The following AK5 variants were observed in gnomAD, a reference collection of about 807,000 sequenced individuals.
The protein encoded by AK5 is adenylate kinase 5, also known as adenylate kinase isoenzyme 5.
In AK5, 27 loss-of-function variants were observed where a neutral mutation model predicts 69.5. The ratio of observed to expected loss-of-function variants is 0.39; its 90% CI spans 0.29 to 0.54. The LOEUF is 0.54. AK5 is among the 20% of genes least tolerant of loss of function. The pLI, the probability that AK5 is intolerant of heterozygous loss-of-function variation, is 0.71. For synonymous variants in AK5, 260 were observed against 244.4 expected (o/e 1.06, Z -0.60); for missense variants, 531 against 700.4 (o/e 0.76, Z 2.73).
At chr1:77,399,531 G>C (rs1420234190) in intron 6 of AK5, among the ~76,000 whole-genome samples, 1 of 152,198 alleles carries the variant, frequency 6.6e-6, no homozygotes, top group Admixed American at 6.5e-5. Context: ...CAAAGCCCTG[G>C]TTGGGCTGTG....
intron 8 of AK5, among the ~76,000 whole-genome samples, chr1:77,465,475 T>G (rs1423089559): frequency 6.6e-6 from 1 of 152,216 alleles, no homozygotes; most frequent in African/African-American, 2.4e-5. Context: ...CCCCAAAGCT[T>G]TCCTAGGACT....
At chr1:77,541,244 G>T (rs1338230497) in intron 13 of AK5, among the ~76,000 whole-genome samples, 1 of 152,038 alleles carries the variant, frequency 6.6e-6, no homozygotes, top group Non-Finnish European at 1.5e-5. Context: ...GGGCAACATG[G>T]CAAAACCCAT....
At chr1:77,546,118 G>A (rs1659532419) in intron 13 of AK5, among the ~76,000 whole-genome samples, 1 of 152,140 alleles carries the variant, frequency 6.6e-6, no homozygotes, top group African/African-American at 2.4e-5. Context: ...GAAATGAGTT[G>A]TGCTTGCTGC....
Position 77,521,821 on chromosome 1 carries a change from C to T in AK5, c.1312-6C>T. The T allele has an allele frequency of 6.2e-7, 1 of 1,611,718 alleles. No individual in the cohort carries two copies. Among genetic ancestry groups the T allele is most frequent in the South Asian group, 1.1e-5 (1 of 90,960 alleles). On this transcript the variant is annotated splice_polypyrimidine_tract_variant and splice_region_variant and intron_variant, in intron 11 of 13. Coordinates refer to ENST00000354567, the MANE Select transcript of AK5 (RefSeq NM_174858.3). Reference sequence around the variant, plus strand: ...TCAGGTCCTGACCACTCTCGCTTTGCTCCAGGGCATCGTTTTGGAGCTCCT... The same window carrying T: ...TCAGGTCCTGACCACTCTCGCTTTGTTCCAGGGCATCGTTTTGGAGCTCCT...
intron 5 of AK5, among the ~76,000 whole-genome samples, chr1:77,321,627 A>G (rs920678534): frequency 1.3e-5 from 2 of 152,218 alleles, no homozygotes; most frequent in Non-Finnish European, 2.9e-5. Context: ...AGCATCTACA[A>G]AAACCTATAT....
At chr1:77,340,694 G>T in intron 6 of AK5, 126 bp downstream of exon 6, 1 of 625,582 alleles carries the variant, frequency 1.6e-6, no homozygotes, top group Non-Finnish European at 2.4e-6. Flanking sequence ...CAGAACCAAT[G>T]GAAAAAAATG....
chr1:77,542,784 GT>G (rs11455000), intron 13 of AK5, among the ~76,000 whole-genome samples: 1 of 151,926 alleles, frequency 6.6e-6, no homozygotes, highest in Non-Finnish European at 1.5e-5. Flanking sequence ...GTACATTTTG[GT>G]TTTTTTCCAT....
At chr1:77,345,915 TAGC>T (rs1661892142) in intron 6 of AK5, 1 of 152,196 alleles carries the variant, frequency 6.6e-6, no homozygotes, top group African/African-American at 2.4e-5. Context: ...CTACTACTAA[TAGC>T]CTACTGTCAA....
chr1:77,313,922 T>C (rs1417961082), intron 5 of AK5: 2 of 516,192 alleles, frequency 3.9e-6, no homozygotes, highest in Non-Finnish European at 7.9e-6. Context: ...AGCAGAAGTC[T>C]TTGCCTCTGC....
chr1:77,518,523 C>A, intron 10 of AK5, 41 bp from the exon 11 acceptor site: 1 of 1,601,046 alleles, frequency 6.2e-7, no homozygotes. Flanking sequence ...AATGAGGCAC[C>A]AGACTTGGAA....
intron 12 of AK5, among the ~76,000 whole-genome samples, chr1:77,530,080 TAAC>T (rs1658495168): frequency 6.6e-6 from 1 of 152,220 alleles, no homozygotes; most frequent in South Asian, 2.1e-4. Context: ...AATGAGCTCT[TAAC>T]ACACACACAC....
intron 8 of AK5, among the ~76,000 whole-genome samples, chr1:77,472,355 C>G (rs906679755): frequency 6.6e-6 from 1 of 152,092 alleles, no homozygotes; most frequent in Non-Finnish European, 1.5e-5. Context: ...CTCACACAAC[C>G]ACTTGTAAAA....
chr1:77,410,962 C>T lies in AK5; in HGVS notation c.892-19C>T, dbSNP rs757362668. 5 of 1,606,538 alleles carry T rather than the reference C, an allele frequency of 3.1e-6. No homozygotes were observed. Among genetic ancestry groups the T allele is most frequent in the Non-Finnish European group, 4.3e-6 (5 of 1,174,512 alleles). On this transcript the variant is annotated intron_variant, in intron 6 of 13. Transcript: ENST00000354567. ...GTGTATTCTCACATTCCAAACTTGT[C>T]TGTCCTGATTTCCCCCAGTTTGATG... is the stretch of plus-strand genomic sequence containing the variant.
intron 9 of AK5, among the ~76,000 whole-genome samples, chr1:77,483,631 A>G (rs565621463): frequency 6.6e-6 from 1 of 152,302 alleles, no homozygotes; most frequent in South Asian, 2.1e-4. Flanking sequence ...CTACTCAAAT[A>G]TCTTTGAAAC....
At chr1:77,398,942 C>T (rs549181871) in intron 6 of AK5, among the ~76,000 whole-genome samples, 12 of 151,938 alleles carry the variant, frequency 7.9e-5, no homozygotes, top group East Asian at 3.9e-4. Context: ...ATTTATTTGA[C>T]GAAATCTATT....
At chr1:77,514,217 T>A (rs1332747417) in intron 10 of AK5, among the ~76,000 whole-genome samples, 2 of 152,048 alleles carry the variant, frequency 1.3e-5, no homozygotes, top group Non-Finnish European at 2.9e-5. Flanking sequence ...TCATATCACG[T>A]GGTATGGTGT....
chr1:77,514,243 G>T (rs1207516669), intron 10 of AK5, among the ~76,000 whole-genome samples: 1 of 152,072 alleles, frequency 6.6e-6, no homozygotes, highest in Non-Finnish European at 1.5e-5. Flanking sequence ...CTTATTCAGG[G>T]GTTCGAGCCT....
intron 6 of AK5, among the ~76,000 whole-genome samples, chr1:77,402,373 C>T (rs375546892): frequency 5.7e-4 from 86 of 151,900 alleles, no homozygotes; most frequent in Non-Finnish European, 1.1e-3. Context: ...TATACATGTG[C>T]CATGCTGGTG....
In AK5 at chr1:77,307,569, G is replaced by A. The variant is rs556010065; in HGVS notation, c.699+9622G>A. On this transcript the variant is annotated intron_variant, in intron 5 of 13. Transcript: ENST00000354567. ...TGATCCATGTGCTGAGGAAAAGAAT[G>A]TGTATTCTGCAGCTCTTAGATGAAA... 4.6e-5 allele frequency among the ~76,000 whole-genome samples: 7 copies of A among 152,296 alleles called. No homozygotes were observed. The East Asian group carries it at 1.4e-3, about 29-fold the overall frequency.
Sources: gnomAD v4.1 joint callset for allele counts (sites outside exome capture counted in the v4.1 genomes callset) on GRCh38, gnomAD v4.1.1 for gene constraint, MANE v1.5 for transcripts, NCBI Gene and HGNC (gene_info 2026-07-23, HGNC 2026-07-21) for gene names.